DMXL1: variants seen among roughly 807,000 people sequenced by gnomAD.
DMXL1 encodes the protein dmX-like protein 1.
A neutral mutation model predicts 319.2 loss-of-function variants in DMXL1; 99 were observed. The ratio of observed to expected loss-of-function variants is 0.31; its 90% CI spans 0.26 to 0.37. The LOEUF (loss-of-function observed/expected upper bound fraction) is 0.37, where lower values mean the gene tolerates loss of function less well. Ranked by LOEUF, DMXL1 falls within the 10% of genes least tolerant of loss-of-function variation. DMXL1 has a pLI of 1.00. For synonymous variants in DMXL1, 1,385 were observed against 1,235.2 expected (o/e 1.12, Z -2.54); for missense variants, 3,745 against 3,595.6 (o/e 1.04, Z -1.06).
intron 32 of DMXL1, 104 bp downstream of exon 32, chr5:119,198,060 C>T (rs959747705): frequency 4.7e-6 from 5 of 1,053,874 alleles, no homozygotes; most frequent in Non-Finnish European, 7.1e-6. Context: ...ACAATCTCAG[C>T]TCACTGCAGC....
intron 23 of DMXL1, 31 bp from the exon 24 acceptor site, chr5:119,170,159 T>C (rs1254399169): frequency 6.4e-7 from 1 of 1,561,890 alleles, no homozygotes; most frequent in Non-Finnish European, 8.6e-7. Flanking sequence ...TTCATAACTT[T>C]TCTTGGCTCA....
intron 28 of DMXL1, among the ~76,000 whole-genome samples, chr5:119,180,916 G>A (rs1023408261): frequency 6.6e-6 from 1 of 152,074 alleles, no homozygotes; most frequent in Non-Finnish European, 1.5e-5. Flanking sequence ...ATAAATTATT[G>A]CTAAGGAATG....
chr5:119,110,339 T>A, intron 5 of DMXL1, 56 bp downstream of exon 5: 4 of 1,422,840 alleles, frequency 2.8e-6, no homozygotes, highest in Non-Finnish European at 3.7e-6. Context: ...TGTGGTTTTA[T>A]TATAAATGTA....
At position 119,189,752 on chromosome 5, in the gene DMXL1, A is replaced by G; in HGVS notation, c.7180A>G (p.Arg2394Gly). The G allele has an allele frequency of 6.2e-7, 1 of 1,614,120 alleles. No homozygotes were observed. Among genetic ancestry groups the G allele is most frequent in the Non-Finnish European group, 8.5e-7 (1 of 1,179,978 alleles). ...AGGAGAAAAACAGAACAAACGTTTT[A>G]GGCCGTCAAAAATGTCTTGCAGAGA... ...EEGEKQNKRF[R>G]PSKMSCRESA... is the part of the protein sequence containing the mutation. The change falls in exon 29 of 44, where the codon AGG (arginine) becomes GGG (glycine). Residue 2394 changes from arginine (R) to glycine (G), a missense_variant. Arg to Gly is a moderately radical substitution (Grantham distance 125, BLOSUM62 -2). This residue lies in a region of DMXL1 where 1,382 missense variants were observed against 1,269.5 expected (regional missense o/e 1.09). Coordinates refer to ENST00000539542, the MANE Select transcript of DMXL1 (RefSeq NM_001290321.3).
intron 1 of DMXL1, among the ~76,000 whole-genome samples, chr5:119,088,615 T>C (rs1163497986): frequency 2.6e-5 from 4 of 152,192 alleles, no homozygotes; most frequent in Non-Finnish European, 5.9e-5. Context: ...TCTGTTAGTG[T>C]GTTTTACTTT....
chr5:119,213,044 A>G (rs1783076498), intron 34 of DMXL1, among the ~76,000 whole-genome samples: 1 of 152,110 alleles, frequency 6.6e-6, no homozygotes, highest in Admixed American at 6.6e-5. Context: ...AAAAGCACAA[A>G]CCCTGGAGCT....
chr5:119,085,398 G>T (rs950641862), intron 1 of DMXL1, among the ~76,000 whole-genome samples: 1 of 151,562 alleles, frequency 6.6e-6, no homozygotes, highest in Non-Finnish European at 1.5e-5. Context: ...GATTTTTTCT[G>T]TTCTTCGTAG....
intron 37 of DMXL1, among the ~76,000 whole-genome samples, chr5:119,222,645 T>A (rs563736871): frequency 6.6e-6 from 1 of 152,322 alleles, no homozygotes; most frequent in Admixed American, 6.5e-5. Context: ...CAGTTACTCT[T>A]TTCTAAAACA....
intron 13 of DMXL1, among the ~76,000 whole-genome samples, chr5:119,141,740 G>C (rs1426310187): frequency 6.6e-6 from 1 of 151,920 alleles, no homozygotes; most frequent in African/African-American, 2.4e-5. Flanking sequence ...CAACAACATT[G>C]TTCACAGAAC....
At chr5:119,123,443 G>A (rs560722936) in intron 9 of DMXL1, among the ~76,000 whole-genome samples, 104 of 143,388 alleles carry the variant, frequency 7.3e-4, no homozygotes, top group African/African-American at 2.6e-3. Flanking sequence ...GGGAGAGGGA[G>A]AGGAGGGAGA....
At chr5:119,177,260 TTAA>T (rs1433242010) in intron 26 of DMXL1, 94 bp from the exon 27 acceptor site, 2 of 817,814 alleles carry the variant, frequency 2.4e-6, no homozygotes, top group African/African-American at 3.5e-5. Context: ...AGCAGTATAA[TTAA>T]TAAACAAAAA....
At chr5:119,159,407 C>T (rs1380406947) in intron 19 of DMXL1, among the ~76,000 whole-genome samples, 1 of 152,138 alleles carries the variant, frequency 6.6e-6, no homozygotes, top group Non-Finnish European at 1.5e-5. Flanking sequence ...TGATGGGAAA[C>T]TTTGTATTAC....
intron 1 of DMXL1, among the ~76,000 whole-genome samples, chr5:119,086,449 G>A (rs757003033): frequency 2.0e-4 from 30 of 152,156 alleles, no homozygotes; most frequent in Non-Finnish European, 7.3e-5. Flanking sequence ...TGGTTTGCAG[G>A]TATTTTATTG....
chr5:119,149,195 A>G lies in DMXL1; in HGVS notation c.3368A>G (p.Asp1123Gly). 1 of 1,613,912 alleles carries G rather than the reference A, an allele frequency of 6.2e-7. No homozygotes were observed. The highest frequency in any genetic ancestry group is 8.5e-7 in the Non-Finnish European group (1 of 1,179,852). The change falls in exon 18 of 44, where the codon GAC (aspartate) becomes GGC (glycine). Residue 1123 changes from aspartate to glycine, a missense_variant. Coordinates refer to ENST00000539542, the MANE Select transcript of DMXL1 (RefSeq NM_001290321.3). ...DSNLVAYNKQDMYLSSKENIT... is the reference protein window; with the variant it reads ...DSNLVAYNKQGMYLSSKENIT... ...AATTTAGTGGCCTATAATAAACAAG[A>G]CATGTATTTATCTAGTAAAGAGAAT...
chr5:119,168,175 G>A (rs183688253), intron 23 of DMXL1, among the ~76,000 whole-genome samples: 1 of 152,290 alleles, frequency 6.6e-6, no homozygotes, highest in African/African-American at 2.4e-5. Flanking sequence ...GTTGAATTTA[G>A]TGTGTTTGTC....
chr5:119,161,373 T>TTA (rs1181279264), intron 19 of DMXL1, among the ~76,000 whole-genome samples: 1 of 152,212 alleles, frequency 6.6e-6, no homozygotes, highest in African/African-American at 2.4e-5. Flanking sequence ...CCAGGCAGTA[T>TTA]TATCGTTTGG....
intron 38 of DMXL1, among the ~76,000 whole-genome samples, chr5:119,225,383 T>G (rs1339439799): frequency 6.6e-6 from 1 of 152,054 alleles, no homozygotes; most frequent in African/African-American, 2.4e-5. Flanking sequence ...AATGGGGAAT[T>G]TATTGGAGGT....
intron 2 of DMXL1, among the ~76,000 whole-genome samples, chr5:119,099,199 TTTTG>T (rs10661600): frequency 1.3e-5 from 2 of 150,236 alleles, no homozygotes; most frequent in Non-Finnish European, 3.0e-5. Context: ...TTTTGTTTGT[TTTTG>T]TTTGTTTGTT....
chr5:119,115,200 T>C (rs1031815827), intron 6 of DMXL1, among the ~76,000 whole-genome samples: 1 of 152,204 alleles, frequency 6.6e-6, no homozygotes, highest in African/African-American at 2.4e-5. Context: ...TTAGACAATA[T>C]ATGCAGTATA....
Sources: allele counts gnomAD v4.1 joint callset (sites outside exome capture counted in the v4.1 genomes callset), GRCh38; gene constraint gnomAD v4.1.1; regional missense constraint gnomAD v4.1.1; transcripts MANE v1.5; gene names NCBI Gene and HGNC (gene_info 2026-07-23, HGNC 2026-07-21).